Variants in SDK1 observed in about 807,000 individuals in gnomAD.
The protein encoded by SDK1 is sidekick cell adhesion molecule 1.
Under a neutral mutation model 245.5 loss-of-function variants are expected in SDK1, and 157 were observed. That is an observed-to-expected ratio of 0.64 (90% CI 0.56 to 0.73). SDK1 has a LOEUF of 0.73. Among genes scored for constraint, SDK1 ranks in the 30% least tolerant of loss-of-function variants. The probability of loss-of-function intolerance (pLI) is 0.00; values close to 1 mark genes in which losing one functional copy is unlikely to be tolerated. For synonymous variants in SDK1, 1,647 were observed against 1,278.5 expected (o/e 1.29, Z -6.15); for missense variants, 3,583 against 3,002.3 (o/e 1.19, Z -4.52).
Position 4,160,988 on chromosome 7 carries a change from T to C in SDK1, c.4730-798T>C, listed in dbSNP as rs188780708. Among the ~76,000 whole-genome samples the C allele has an allele frequency of 5.3e-5, 8 of 152,268 alleles. No homozygotes were observed. In the East Asian group the frequency reaches 1.6e-3, roughly 30 times the overall value. ...GTGCCTGTGGGAAGAACATCGTCAT[T>C]CCGTTCAGTGAATATGGACTGGATA... On this transcript the variant is annotated intron_variant, in intron 31 of 44. Coordinates refer to ENST00000404826, the MANE Select transcript of SDK1 (RefSeq NM_152744.4).
chr7:3,855,255 C>T (rs987768054), intron 5 of SDK1, among the ~76,000 whole-genome samples: 1 of 151,878 alleles, frequency 6.6e-6, no homozygotes, highest in African/African-American at 2.4e-5. Flanking sequence ...GAGCACCACA[C>T]CAAGAATCAC....
chr7:3,756,780 G>T (rs979156454), intron 4 of SDK1, among the ~76,000 whole-genome samples: 2 of 152,016 alleles, frequency 1.3e-5, no homozygotes, highest in African/African-American at 4.8e-5. Context: ...CTATATTTGG[G>T]TGTATCTGTT....
intron 1 of SDK1, among the ~76,000 whole-genome samples, chr7:3,369,624 A>G (rs1279370779): frequency 6.6e-5 from 10 of 152,242 alleles, no homozygotes; most frequent in Admixed American, 2.6e-4. Context: ...GATGTTGTAT[A>G]TAAGAGGATA....
intron 5 of SDK1, among the ~76,000 whole-genome samples, chr7:3,861,159 C>G (rs1262043491): frequency 6.6e-6 from 1 of 152,082 alleles, no homozygotes; most frequent in African/African-American, 2.4e-5. Flanking sequence ...TGTTTGTCCT[C>G]GTGTCAACTG....
At chr7:4,106,564 G>A (rs1376442643) in intron 22 of SDK1, among the ~76,000 whole-genome samples, 5 of 152,224 alleles carry the variant, frequency 3.3e-5, no homozygotes, top group East Asian at 1.9e-4. Flanking sequence ...CCAAAGTGCT[G>A]GGATTACAGG....
In SDK1 at chr7:4,092,120, T is replaced by C. The variant is rs184136814; in HGVS notation, c.3324+12536T>C. On this transcript the variant is annotated intron_variant, in intron 22 of 44. Coordinates refer to ENST00000404826, the MANE Select transcript of SDK1 (RefSeq NM_152744.4). ...GGCTTTAGGGAAGTCTTTTAGGTCA[T>C]GTTCTTTAGCCATAAAGCCCTAATA... 1.7e-4 allele frequency among the ~76,000 whole-genome samples: 26 copies of C among 152,344 alleles called. No individual in the cohort carries two copies. In the Middle Eastern group the frequency reaches 0.01, roughly 60 times the overall value.
At chr7:3,409,286 A>G (rs1355148354) in intron 1 of SDK1, among the ~76,000 whole-genome samples, 1 of 129,334 alleles carries the variant, frequency 7.7e-6, no homozygotes, top group African/African-American at 3.1e-5. Flanking sequence ...CTGTTTTAAG[A>G]TTCTATTATG....
At chr7:3,833,154 C>A (rs758165490) in intron 5 of SDK1, among the ~76,000 whole-genome samples, 2 of 152,046 alleles carry the variant, frequency 1.3e-5, no homozygotes, top group African/African-American at 4.8e-5. Flanking sequence ...AAGTGCGGAA[C>A]TCTAGAGAAG....
intron 1 of SDK1, among the ~76,000 whole-genome samples, chr7:3,307,743 GC>G (rs1779453807): frequency 6.6e-6 from 1 of 152,162 alleles, no homozygotes; most frequent in South Asian, 2.1e-4. Flanking sequence ...GTATCAGTAG[GC>G]CTCGTTTATA....
At chr7:3,612,806 C>T (rs1002799968) in intron 1 of SDK1, among the ~76,000 whole-genome samples, 79 of 152,088 alleles carry the variant, frequency 5.2e-4, no homozygotes, top group Admixed American at 6.6e-5. Flanking sequence ...CTGGTCCTCC[C>T]GGCTGGACTC....
chr7:3,548,776 T>C (rs2341580), intron 1 of SDK1, among the ~76,000 whole-genome samples: 33,517 of 152,160 alleles, frequency 0.22, 4,034 homozygotes, highest in South Asian at 0.38. Flanking sequence ...CTTCCTTTTA[T>C]ATTGGCAAGT....
intron 40 of SDK1, among the ~76,000 whole-genome samples, chr7:4,228,150 G>A (rs896024602): frequency 2.0e-5 from 3 of 152,186 alleles, no homozygotes; most frequent in Non-Finnish European, 2.9e-5. Flanking sequence ...CTTCTGAGGT[G>A]GACAGGATTG....
chr7:4,206,002 C>T lies in SDK1; in HGVS notation c.5214+8C>T, dbSNP rs193920905. 1 of 1,517,936 alleles carries T rather than the reference C, an allele frequency of 6.6e-7. No individual in the cohort carries two copies. Among genetic ancestry groups the T allele is most frequent in the African/African-American group, 1.4e-5 (1 of 72,316 alleles). 94.0% of individuals were successfully genotyped at this position (1,517,936 alleles called of 1,614,324 possible). ...AACATCCAAGGCTACAAGGCAAGGC[C>T]CTCCCGTGCGGTTGCCTCCCCTGGC... On this transcript the variant is annotated splice_region_variant and intron_variant, in intron 36 of 44. Transcript: ENST00000404826.
chr7:3,448,085 A>G (rs571180631), intron 1 of SDK1, among the ~76,000 whole-genome samples: 12 of 152,300 alleles, frequency 7.9e-5, no homozygotes, highest in African/African-American at 2.9e-4. Flanking sequence ...TTCAAGGGAT[A>G]TGTATACTTA....
chr7:3,617,822 A>T (rs1230701218), intron 1 of SDK1, among the ~76,000 whole-genome samples: 1 of 152,180 alleles, frequency 6.6e-6, no homozygotes, highest in Non-Finnish European at 1.5e-5. Context: ...CCTGCCTCTT[A>T]TTACTGTTAG....
At chr7:4,033,977 C>G (rs1788032721) in intron 17 of SDK1, among the ~76,000 whole-genome samples, 1 of 152,052 alleles carries the variant, frequency 6.6e-6, no homozygotes, top group African/African-American at 2.4e-5. Flanking sequence ...AACGGAGTAA[C>G]TCGACCCTGG....
intron 1 of SDK1, among the ~76,000 whole-genome samples, chr7:3,490,557 C>T (rs977904018): frequency 6.6e-6 from 1 of 152,160 alleles, no homozygotes; most frequent in African/African-American, 2.4e-5. Flanking sequence ...CAAGAACTTA[C>T]CATATAGAAT....
At chr7:3,695,245 C>T (rs943079172) in intron 4 of SDK1, among the ~76,000 whole-genome samples, 11 of 152,170 alleles carry the variant, frequency 7.2e-5, no homozygotes, top group Non-Finnish European at 1.3e-4. Context: ...GAATTTGCAT[C>T]CTAAACACTT....
intron 19 of SDK1, among the ~76,000 whole-genome samples, chr7:4,063,738 C>G (rs1779695308): frequency 1.3e-5 from 2 of 151,982 alleles, no homozygotes; most frequent in African/African-American, 2.4e-5. Flanking sequence ...TCTATAATAA[C>G]CAAAACCATG....
Sources: allele counts gnomAD v4.1 joint callset (sites outside exome capture counted in the v4.1 genomes callset), GRCh38; gene constraint gnomAD v4.1.1; transcripts MANE v1.5; gene names NCBI Gene and HGNC (gene_info 2026-07-23, HGNC 2026-07-21).